ARID5B: variants seen among roughly 807,000 people sequenced by gnomAD.
ARID5B encodes the protein AT-rich interaction domain 5B, also known as AT-rich interactive domain-containing protein 5B.
A neutral mutation model predicts 97.2 loss-of-function variants in ARID5B; 13 were observed. The observed-to-expected ratio is 0.13, with a 90% CI of 0.09 to 0.21. The LOEUF is 0.21. ARID5B is among the 10% of genes least tolerant of loss of function. ARID5B has a pLI of 1.00. For missense variants in ARID5B, 1,210 were observed against 1,465.3 expected (o/e 0.83, Z 2.84); for synonymous variants, 556 against 570.3 (o/e 0.97, Z 0.36).
chr10:62,057,817 C>T (rs1839876553), intron 6 of ARID5B, among the ~76,000 whole-genome samples: 1 of 152,104 alleles, frequency 6.6e-6, no homozygotes, highest in African/African-American at 2.4e-5. Flanking sequence ...CAAATTGGAA[C>T]AGAGGGCCTA....
At chr10:62,062,779 CAAAAAAAAAAAAAAA>C (rs55969343) in intron 7 of ARID5B, among the ~76,000 whole-genome samples, 1 of 86,206 alleles carries the variant, frequency 1.2e-5, no homozygotes, top group East Asian at 3.3e-4. Context: ...GGCCTTTGTG[CAAAAAAAAAAAAAAA>C]AAAAAAAAAA....
chr10:62,083,771 T>G (rs1840246589), intron 8 of ARID5B, among the ~76,000 whole-genome samples: 1 of 152,158 alleles, frequency 6.6e-6, no homozygotes, highest in Non-Finnish European at 1.5e-5. Flanking sequence ...TTCAATGCAT[T>G]TTGCTCCCAG....
chr10:61,930,921 T>G (rs987938563), intron 2 of ARID5B, among the ~76,000 whole-genome samples: 2 of 152,056 alleles, frequency 1.3e-5, no homozygotes, highest in African/African-American at 4.8e-5. Flanking sequence ...AACCATTTTT[T>G]GTCTCTGGCC....
At chr10:62,079,370 TA>T (rs1366557583) in intron 8 of ARID5B, among the ~76,000 whole-genome samples, 1 of 152,230 alleles carries the variant, frequency 6.6e-6, no homozygotes, top group Non-Finnish European at 1.5e-5. Context: ...TAAAATGAGA[TA>T]AAATAATATA....
chr10:62,036,014 G>A (rs1309123523), intron 4 of ARID5B, among the ~76,000 whole-genome samples: 2 of 151,882 alleles, frequency 1.3e-5, no homozygotes, highest in Non-Finnish European at 2.9e-5. Context: ...TAGTAGAGAC[G>A]CGGTTTCACT....
chr10:61,910,122 A>T (rs1346430723), intron 2 of ARID5B, among the ~76,000 whole-genome samples: 1 of 152,232 alleles, frequency 6.6e-6, no homozygotes, highest in Non-Finnish European at 1.5e-5. Flanking sequence ...TAAGCAATTA[A>T]AACCTCTCGA....
intron 4 of ARID5B, among the ~76,000 whole-genome samples, chr10:62,029,889 G>A (rs989171332): frequency 3.9e-5 from 6 of 152,194 alleles, no homozygotes; most frequent in African/African-American, 1.2e-4. Context: ...TAACGATGTG[G>A]GGGTAAGACG....
intron 3 of ARID5B, among the ~76,000 whole-genome samples, chr10:61,992,811 T>A (rs993106268): frequency 4.6e-5 from 7 of 152,200 alleles, no homozygotes; most frequent in Non-Finnish European, 8.8e-5. Context: ...GTTTTCTGTC[T>A]CAGCAATCTC....
At chr10:61,912,650 G>GTA (rs539316014) in intron 2 of ARID5B, among the ~76,000 whole-genome samples, 23 of 148,514 alleles carry the variant, frequency 1.5e-4, no homozygotes, top group Non-Finnish European at 2.7e-4. Context: ...AATTATGTGT[G>GTA]TATATATATG....
intron 2 of ARID5B, among the ~76,000 whole-genome samples, chr10:61,925,220 T>C (rs1052028767): frequency 1.3e-5 from 2 of 151,974 alleles, no homozygotes; most frequent in African/African-American, 4.8e-5. Context: ...AAAAATTAAA[T>C]GGTCAAAAAA....
intron 2 of ARID5B, among the ~76,000 whole-genome samples, chr10:61,910,358 G>T (rs990756099): frequency 3.3e-5 from 5 of 152,188 alleles, no homozygotes; most frequent in Non-Finnish European, 7.3e-5. Flanking sequence ...TATAGCCAGT[G>T]TAGTTGGATA....
Position 62,091,399 on chromosome 10 carries a change from C to T in ARID5B, c.1936C>T (p.Pro646Ser). 1 of 1,613,808 alleles carries T rather than the reference C, an allele frequency of 6.2e-7. No individual in the cohort carries two copies. Among genetic ancestry groups the T allele is most frequent in the South Asian group, 1.1e-5 (1 of 91,038 alleles). ...CATCCACAATGCGCTCAAGCAGACC[C>T]CAAAGGTCCTTGTGGTCCAGTCGTT... ...DDIHNALKQT[P>S]KVLVVQSFDM... Residue 646 changes from proline (P) to serine (S), a missense_variant, in exon 10 of 10, where the codon CCA becomes TCA. This residue lies in a region of ARID5B where 800 missense variants were observed against 839.1 expected (regional missense o/e 0.95). Transcript: ENST00000279873.
chr10:62,042,129 G>T (rs1839645707), intron 4 of ARID5B, among the ~76,000 whole-genome samples: 1 of 152,068 alleles, frequency 6.6e-6, no homozygotes, highest in Non-Finnish European at 1.5e-5. Context: ...CAATTATCTT[G>T]TTAATATTAT....
At chr10:61,927,886 A>G (rs995915502) in intron 2 of ARID5B, among the ~76,000 whole-genome samples, 5 of 152,220 alleles carry the variant, frequency 3.3e-5, no homozygotes, top group Admixed American at 1.3e-4. Flanking sequence ...GAGTCCCTCC[A>G]TATCAGGGCC....
chr10:62,025,476 G>A (rs1839408956), intron 4 of ARID5B: 1 of 152,126 alleles, frequency 6.6e-6, no homozygotes, highest in Non-Finnish European at 1.5e-5. Flanking sequence ...GTGTCTGTCT[G>A]CCTTTACTTA....
intron 8 of ARID5B, among the ~76,000 whole-genome samples, chr10:62,072,148 C>T (rs1840073593): frequency 6.6e-6 from 1 of 152,148 alleles, no homozygotes; most frequent in African/African-American, 2.4e-5. Context: ...GAAGGAGTCA[C>T]CCAACCAGCA....
chr10:62,082,216 G>A (rs1249342468), intron 8 of ARID5B, among the ~76,000 whole-genome samples: 2 of 152,012 alleles, frequency 1.3e-5, no homozygotes, highest in East Asian at 3.8e-4. Context: ...ATACATAATG[G>A]CTTACCTATT....
At chr10:62,079,819 A>G (rs1270393755) in intron 8 of ARID5B, among the ~76,000 whole-genome samples, 1 of 152,208 alleles carries the variant, frequency 6.6e-6, no homozygotes, top group African/African-American at 2.4e-5. Flanking sequence ...TTTCTTGTCC[A>G]TCTGCTGCCC....
intron 7 of ARID5B, among the ~76,000 whole-genome samples, chr10:62,064,746 AT>A (rs35550139): frequency 0.43 from 64,825 of 151,598 alleles, 15,378 homozygotes; most frequent in Non-Finnish European, 0.56. Context: ...AAGACAATTT[AT>A]TTTTTTTGTT....
Sources: gnomAD v4.1 joint callset for allele counts (sites outside exome capture counted in the v4.1 genomes callset) on GRCh38, gnomAD v4.1.1 for gene constraint, gnomAD v4.1.1 regional missense constraint, MANE v1.5 for transcripts, NCBI Gene and HGNC (gene_info 2026-07-23, HGNC 2026-07-21) for gene names.